GNS: variants seen among roughly 807,000 people sequenced by gnomAD.
The protein encoded by GNS is N-acetylglucosamine-6-sulfatase.
A neutral mutation model predicts 69.7 loss-of-function variants in GNS; 40 were observed. The ratio of observed to expected loss-of-function variants is 0.57; its 90% confidence interval spans 0.45 to 0.75. The LOEUF (loss-of-function observed/expected upper bound fraction) is 0.75. Among genes scored for constraint, GNS ranks in the 30% least tolerant of loss-of-function variants. GNS has a pLI of 0.00. For synonymous variants in GNS, 243 were observed against 251.6 expected (o/e 0.97, Z 0.32); for missense variants, 565 against 685.5 (o/e 0.82, Z 1.96).
At chr12:64,726,542 T>C (rs1245918150) in intron 10 of GNS, among the ~76,000 whole-genome samples, 1 of 152,198 alleles carries the variant, frequency 6.6e-6, no homozygotes. Context: ...CTTCAATTCT[T>C]GGAGTGCAGT....
chr12:64,756,111 C>G (rs977422520), intron 1 of GNS, among the ~76,000 whole-genome samples: 1 of 152,144 alleles, frequency 6.6e-6, no homozygotes. Context: ...CCACAGATAC[C>G]TGGAACAAAT....
chr12:64,754,639 A>G (rs906519584), intron 1 of GNS, among the ~76,000 whole-genome samples: 2 of 152,176 alleles, frequency 1.3e-5, no homozygotes, highest in Non-Finnish European at 2.9e-5. Flanking sequence ...CTGTTATCCC[A>G]GCACTTTAGA....
At chr12:64,722,797 G>T in intron 11 of GNS, 2 of 557,158 alleles carry the variant, frequency 3.6e-6, no homozygotes, top group Non-Finnish European at 6.5e-6. Flanking sequence ...ACATAAATTG[G>T]AAGATTAACA....
At chr12:64,730,608 A>C (rs1212767269) in intron 9 of GNS, among the ~76,000 whole-genome samples, 1 of 152,144 alleles carries the variant, frequency 6.6e-6, no homozygotes, top group Non-Finnish European at 1.5e-5. Flanking sequence ...GGAGAAAGGC[A>C]ATCCATATGT....
chr12:64,755,897 G>A (rs953525027), intron 1 of GNS, among the ~76,000 whole-genome samples: 1 of 151,948 alleles, frequency 6.6e-6, no homozygotes, highest in Non-Finnish European at 1.5e-5. Context: ...CTGAACTCCT[G>A]ACCTCGTGAT....
chr12:64,722,170 A>AC (rs1269469568), intron 11 of GNS, among the ~76,000 whole-genome samples: 1 of 151,982 alleles, frequency 6.6e-6, no homozygotes, highest in Non-Finnish European at 1.5e-5. Context: ...GGCATGCACC[A>AC]CCACGCCCGG....
intron 1 of GNS, among the ~76,000 whole-genome samples, chr12:64,753,932 G>GATT (rs1458856957): frequency 6.6e-6 from 1 of 152,168 alleles, no homozygotes; most frequent in Non-Finnish European, 1.5e-5. Context: ...AGAATACTGG[G>GATT]CTTCATGAGA....
intron 9 of GNS, among the ~76,000 whole-genome samples, chr12:64,731,286 G>A (rs1869382371): frequency 6.6e-6 from 1 of 152,158 alleles, no homozygotes; most frequent in Non-Finnish European, 1.5e-5. Context: ...CATGTTGCCT[G>A]GGCTGGTCTC....
At position 64,729,076 on chromosome 12, in the gene GNS, A is replaced by G. The variant is rs1317027103; in HGVS notation, c.1099-19T>C. On this transcript the variant is annotated intron_variant, in intron 9 of 13. Coordinates refer to ENST00000258145, the MANE Select transcript of GNS (RefSeq NM_002076.4). ...CCAGCATCTATGAGAATGAGGGAAAAACAATCTAGAACACAGCTGGTCTCA... is the reference window on the plus strand; with the variant it reads ...CCAGCATCTATGAGAATGAGGGAAAGACAATCTAGAACACAGCTGGTCTCA... 8.4e-7 allele frequency: 1 copy of G among 1,183,738 alleles called. No individual in the cohort carries two copies. The highest frequency in any genetic ancestry group is 1.7e-5 in the Admixed American group (1 of 59,486). 73.3% of individuals were successfully genotyped at this position (1,183,738 alleles called of 1,614,324 possible).
chr12:64,739,935 A>T (rs947002042), intron 7 of GNS, among the ~76,000 whole-genome samples: 3 of 152,230 alleles, frequency 2.0e-5, no homozygotes, highest in Non-Finnish European at 4.4e-5. Context: ...AGATGTTTGA[A>T]CTAGGAGCTG....
Position 64,744,882 on chromosome 12 carries a change from TA to T in GNS, c.550del (p.Tyr184ThrfsTer21). 6.6e-7 allele frequency: 1 copy of T among 1,510,702 alleles called. No homozygotes were observed. 93.6% of individuals were successfully genotyped at this position (1,510,702 alleles called of 1,614,324 possible). A position where few individuals can be genotyped will look rare whatever the true frequency, so the allele number is the denominator to read the frequency against. On this transcript the variant is annotated frameshift_variant, in exon 5 of 14. Coordinates refer to ENST00000258145, the MANE Select transcript of GNS (RefSeq NM_002076.4). LOFTEE classifies it high-confidence loss of function. ...TGCCTTCCCATTGATAGACAGGGTG[TA>T]ATTATAATACTTAGAATTCTTTTCC... Reference protein sequence around the residue: ...ALEKNSKYYNYTLSINGKARK... With the variant: ...ALEKNSKYYNXTLSINGKARK...
chr12:64,756,571 C>A, intron 1 of GNS: 1 of 602,724 alleles, frequency 1.7e-6, no homozygotes. Flanking sequence ...TGTCACTTAA[C>A]CACCTTCCAG....
intron 9 of GNS, among the ~76,000 whole-genome samples, chr12:64,734,636 C>T (rs912099019): frequency 6.6e-6 from 1 of 152,172 alleles, no homozygotes. Flanking sequence ...CCTAGCTTAT[C>T]CCTACATCTG....
At chr12:64,725,566 C>A (rs1022615066) in intron 10 of GNS, among the ~76,000 whole-genome samples, 1 of 152,122 alleles carries the variant, frequency 6.6e-6, no homozygotes, top group African/African-American at 2.4e-5. Context: ...AGTATTTCAT[C>A]GGAATAGCCT....
rs191872553 is a variant in GNS at position 64,740,485 on chromosome 12, C to T, written c.875+121G>A. The T allele has an allele frequency of 9.7e-4, 713 of 736,824 alleles. 2 individuals carry two copies. In the African/African-American group the frequency reaches 0.011, roughly 12 times the overall value. 45.6% of individuals were successfully genotyped at this position (736,824 alleles called of 1,614,324 possible). ...TGGTGCCCCATCGAAGCCTCTCTCC[C>T]ACTGACTTGCTTCCCTCTGTTTTTG... is the stretch of plus-strand genomic sequence containing the variant. On this transcript the variant is annotated intron_variant, in intron 7 of 13. Transcript: ENST00000258145.
chr12:64,746,359 A>C (rs1412720689), intron 3 of GNS: 1 of 152,444 alleles, frequency 6.6e-6, no homozygotes, highest in Non-Finnish European at 1.5e-5. Context: ...CCCAAATCTG[A>C]AAATCCAAAA....
intron 13 of GNS, among the ~76,000 whole-genome samples, chr12:64,717,492 C>T (rs1028775719): frequency 5.3e-5 from 8 of 150,882 alleles, no homozygotes; most frequent in African/African-American, 1.9e-4. Flanking sequence ...GCTGGGAACA[C>T]TGGCGTGCGC....
intron 6 of GNS, among the ~76,000 whole-genome samples, chr12:64,741,045 A>G (rs1007469850): frequency 3.3e-5 from 5 of 151,816 alleles, no homozygotes; most frequent in African/African-American, 1.2e-4. Context: ...GTCTACTACA[A>G]TTAGAAAATG....
intron 5 of GNS, among the ~76,000 whole-genome samples, chr12:64,744,304 A>G (rs1416555820): frequency 6.6e-6 from 1 of 152,216 alleles, no homozygotes; most frequent in Non-Finnish European, 1.5e-5. Flanking sequence ...GTGCTCAACT[A>G]TTGAGTGAAT....
Sources: gnomAD v4.1 joint callset for allele counts (sites outside exome capture counted in the v4.1 genomes callset) on GRCh38, gnomAD v4.1.1 for gene constraint, MANE v1.5 for transcripts, NCBI Gene and HGNC (gene_info 2026-07-23, HGNC 2026-07-21) for gene names.